The following SRGAP3 variants were observed in gnomAD, a reference collection of about 807,000 sequenced individuals.
SRGAP3 encodes SLIT-ROBO Rho GTPase-activating protein 3.
In SRGAP3, 39 loss-of-function variants were observed where a neutral mutation model predicts 121.1. That is an observed-to-expected ratio of 0.32 (90% CI 0.25 to 0.42). The LOEUF is 0.42. Ranked by LOEUF, SRGAP3 falls within the 10% of genes least tolerant of loss-of-function variation. The probability of loss-of-function intolerance (pLI) is 1.00; values close to 1 mark genes in which losing one functional copy is unlikely to be tolerated. For synonymous variants in SRGAP3, 601 were observed against 570.0 expected, an observed-to-expected ratio of 1.05 and a Z score of -0.77; for missense variants, 1,213 against 1,470.6, an observed-to-expected ratio of 0.82 and a Z score of 2.86.
chr3:9,076,249 C>T (rs976833874), intron 4 of SRGAP3, among the ~76,000 whole-genome samples: 4 of 152,074 alleles, frequency 2.6e-5, no homozygotes, highest in Non-Finnish European at 4.4e-5. Flanking sequence ...CACAGAGTTT[C>T]GAGGTAGTTT....
At chr3:9,254,222 A>G (rs548031895), upstream of SRGAP3, among the ~76,000 whole-genome samples, 1 of 152,230 alleles carries the variant, frequency 6.6e-6, no homozygotes, top group Non-Finnish European at 1.5e-5. Flanking sequence ...TGAATGGATA[A>G]ACAAAAAATG....
chr3:9,039,678 C>T (rs1244050511), intron 10 of SRGAP3, among the ~76,000 whole-genome samples: 1 of 106,646 alleles, frequency 9.4e-6, no homozygotes, highest in Non-Finnish European at 2.4e-5. Context: ...CCCTAATCTA[C>T]TCTCTGTCTC....
intron 3 of SRGAP3, among the ~76,000 whole-genome samples, chr3:9,085,281 G>A (rs1262024369): frequency 6.6e-6 from 1 of 152,202 alleles, no homozygotes; most frequent in Non-Finnish European, 1.5e-5. Context: ...GGGGCAGAGA[G>A]GTCAGCCTCT....
chr3:9,249,412 T>A lies in SRGAP3; in HGVS notation c.-461A>T. On this transcript the variant is annotated 5_prime_UTR_variant, in exon 1 of 22. Coordinates refer to ENST00000383836, the MANE Select transcript of SRGAP3 (RefSeq NM_014850.4). The stretch of plus-strand genomic sequence containing the variant: ...CACGCACACACACTCGCTGGATCAC[T>A]CACACACACACATCCACGAGAGGCG... 1 of 262,578 alleles carries A rather than the reference T, an allele frequency of 3.8e-6. No homozygotes were observed. Among genetic ancestry groups the A allele is most frequent in the Non-Finnish European group, 7.4e-6 (1 of 135,340 alleles). The allele number at this position is 262,578 out of a possible 1,614,324, so 16.3% of individuals were successfully genotyped here.
intron 10 of SRGAP3, among the ~76,000 whole-genome samples, chr3:9,039,883 C>T (rs954036024): frequency 6.6e-6 from 1 of 152,190 alleles, no homozygotes; most frequent in Admixed American, 6.5e-5. Flanking sequence ...CCACTCAACA[C>T]AAATTGCCTT....
intron 1 of SRGAP3, among the ~76,000 whole-genome samples, chr3:9,245,886 T>G (rs2125243703): frequency 6.6e-6 from 1 of 152,220 alleles, no homozygotes; most frequent in Non-Finnish European, 1.5e-5. Context: ...ATGACATCAC[T>G]ACATTCCAGC....
intron 3 of SRGAP3, among the ~76,000 whole-genome samples, chr3:9,301,581 G>C (rs1393390595): frequency 2.0e-5 from 3 of 152,244 alleles, no homozygotes; most frequent in African/African-American, 7.2e-5. Context: ...GGGTCCTGTA[G>C]AATTACAGTG....
At chr3:9,031,812 A>T (rs1944499505) in intron 12 of SRGAP3, among the ~76,000 whole-genome samples, 1 of 152,224 alleles carries the variant, frequency 6.6e-6, no homozygotes, top group African/African-American at 2.4e-5. Context: ...AAGTGTCTTC[A>T]TTAGAAGGTA....
At chr3:9,306,881 ATGTT>A (rs1045700717) in intron 3 of SRGAP3, among the ~76,000 whole-genome samples, 4 of 152,290 alleles carry the variant, frequency 2.6e-5, no homozygotes, top group Admixed American at 1.3e-4. Flanking sequence ...CTTAAGAGAG[ATGTT>A]TGTTTTTCAA....
In SRGAP3 at chr3:8,982,986, T is replaced by C. The variant is rs1485598777; in HGVS notation, c.*2533A>G. ...CACACGGTCTGATTGGTGTTATGTA[T>C]ATCAGGCAACAGATTTTTCTACTCT... is the stretch of plus-strand genomic sequence containing the variant. On this transcript the variant is annotated 3_prime_UTR_variant, in exon 22 of 22. Transcript: ENST00000383836. 4.4e-6 allele frequency: 1 copy of C among 229,338 alleles called. No individual in the cohort carries two copies. Among genetic ancestry groups the C allele is most frequent in the Non-Finnish European group, 8.6e-6 (1 of 115,660 alleles). The allele number at this position is 229,338 out of a possible 1,614,324, so 14.2% of individuals were successfully genotyped here. A position where few individuals can be genotyped will look rare whatever the true frequency, so the allele number is the denominator to read the frequency against.
intron 2 of SRGAP3, among the ~76,000 whole-genome samples, chr3:9,117,342 T>A (rs1353025643): frequency 2.6e-5 from 4 of 152,254 alleles, no homozygotes; most frequent in Non-Finnish European, 4.4e-5. Context: ...AAAAATCCTG[T>A]GATGCTTTAT....
At chr3:9,187,608 A>G (rs1399643163) in intron 1 of SRGAP3, among the ~76,000 whole-genome samples, 1 of 152,080 alleles carries the variant, frequency 6.6e-6, no homozygotes, top group Non-Finnish European at 1.5e-5. Flanking sequence ...CTTTGTGCAC[A>G]CCACCAGCCC....
At chr3:9,064,889 A>G (rs931764835) in intron 4 of SRGAP3, among the ~76,000 whole-genome samples, 2 of 151,872 alleles carry the variant, frequency 1.3e-5, no homozygotes, top group Non-Finnish European at 2.9e-5. Flanking sequence ...ATAAATAAAT[A>G]AGGAGGAAAT....
intron 7 of SRGAP3, among the ~76,000 whole-genome samples, 165 bp downstream of exon 7, chr3:9,058,086 G>C (rs1945917552): frequency 6.6e-6 from 1 of 152,188 alleles, no homozygotes. Flanking sequence ...AGCAAGATGA[G>C]GGTATTAGTG....
At chr3:9,272,498 T>TA (rs1954496014) in intron 3 of SRGAP3, among the ~76,000 whole-genome samples, 1 of 152,254 alleles carries the variant, frequency 6.6e-6, no homozygotes, top group Non-Finnish European at 1.5e-5. Flanking sequence ...TATGGAATCT[T>TA]ACAGTATTCG....
intron 1 of SRGAP3, among the ~76,000 whole-genome samples, chr3:9,183,429 G>C (rs531904676): frequency 6.6e-6 from 1 of 152,232 alleles, no homozygotes; most frequent in South Asian, 2.1e-4. Context: ...ACTTACTAGA[G>C]AGCCTGGCAT....
chr3:9,175,971 G>A (rs1575188904), intron 1 of SRGAP3, among the ~76,000 whole-genome samples: 1 of 152,116 alleles, frequency 6.6e-6, no homozygotes, highest in African/African-American at 2.4e-5. Flanking sequence ...ACCCAGGCTG[G>A]AGTGCGATGG....
At chr3:9,341,379 G>A (rs902528039) in intron 1 of SRGAP3, among the ~76,000 whole-genome samples, 5 of 152,204 alleles carry the variant, frequency 3.3e-5, no homozygotes, top group African/African-American at 1.2e-4. Flanking sequence ...GGAAAGAGAT[G>A]CTTAAAGCAC....
chr3:9,146,930 T>A (rs1372230770), intron 1 of SRGAP3, among the ~76,000 whole-genome samples: 1 of 152,134 alleles, frequency 6.6e-6, no homozygotes, highest in African/African-American at 2.4e-5. Context: ...TGTGATGCAA[T>A]GTAGGCTATG....
Sources: allele counts gnomAD v4.1 joint callset (sites outside exome capture counted in the v4.1 genomes callset), GRCh38; gene constraint gnomAD v4.1.1; transcripts MANE v1.5; gene names NCBI Gene and HGNC (gene_info 2026-07-23, HGNC 2026-07-21).